Variants in KCNQ3 observed in about 807,000 individuals in gnomAD.
The protein encoded by KCNQ3 is potassium voltage-gated channel subfamily Q member 3.
In KCNQ3, 30 loss-of-function variants were observed where a neutral mutation model predicts 92.5. That is an observed-to-expected ratio of 0.32 (90% CI 0.24 to 0.44). The LOEUF (loss-of-function observed/expected upper bound fraction) is 0.44. Among genes scored for constraint, KCNQ3 ranks in the 20% least tolerant of loss-of-function variants. The pLI is 1.00. For synonymous variants in KCNQ3, 450 were observed against 468.8 expected, an observed-to-expected ratio of 0.96 and a Z score of 0.52; for missense variants, 913 against 1,140.3, an observed-to-expected ratio of 0.80 and a Z score of 2.87.
intron 1 of KCNQ3, among the ~76,000 whole-genome samples, chr8:132,371,491 A>C (rs949567042): frequency 2.6e-5 from 4 of 152,230 alleles, no homozygotes; most frequent in African/African-American, 7.2e-5. Context: ...GACCTGCGTC[A>C]TCAAGGATGA....
chr8:132,220,547 G>A (rs551964421), intron 1 of KCNQ3, among the ~76,000 whole-genome samples: 3 of 152,212 alleles, frequency 2.0e-5, no homozygotes, highest in South Asian at 2.1e-4. Flanking sequence ...TCAGGAGTTC[G>A]AGGCCAGCCT....
chr8:132,220,661 ATTGT>A (rs1462436820), intron 1 of KCNQ3, among the ~76,000 whole-genome samples: 5 of 152,126 alleles, frequency 3.3e-5, no homozygotes, highest in African/African-American at 1.2e-4. Context: ...AGGCAGGAGA[ATTGT>A]TTGAGTTTGG....
intron 8 of KCNQ3, among the ~76,000 whole-genome samples, chr8:132,164,049 C>T (rs184701471): frequency 6.6e-6 from 1 of 152,274 alleles, no homozygotes; most frequent in African/African-American, 2.4e-5. Flanking sequence ...GGATCCAAAC[C>T]CAGGTGATCT....
At chr8:132,392,475 T>C (rs1820074855) in intron 1 of KCNQ3, among the ~76,000 whole-genome samples, 1 of 152,144 alleles carries the variant, frequency 6.6e-6, no homozygotes, top group Admixed American at 6.5e-5. Context: ...GTCTTTGCAC[T>C]GGTCCTTACC....
chr8:132,281,729 T>G (rs1158144082), intron 1 of KCNQ3, among the ~76,000 whole-genome samples: 1 of 152,042 alleles, frequency 6.6e-6, no homozygotes, highest in Non-Finnish European at 1.5e-5. Flanking sequence ...ACCACCATGT[T>G]TACTGCAGCC....
At chr8:132,254,999 C>T (rs1185528506) in intron 1 of KCNQ3, among the ~76,000 whole-genome samples, 1 of 152,006 alleles carries the variant, frequency 6.6e-6, no homozygotes, top group African/African-American at 2.4e-5. Context: ...AAAAGTTAAC[C>T]ACAATTTGGA....
At chr8:132,135,922 T>A (rs1825067748) in intron 12 of KCNQ3, among the ~76,000 whole-genome samples, 1 of 151,504 alleles carries the variant, frequency 6.6e-6, no homozygotes, top group Non-Finnish European at 1.5e-5. Flanking sequence ...AAGTTCGAGA[T>A]CAGCCTGGCC....
intron 1 of KCNQ3, among the ~76,000 whole-genome samples, chr8:132,344,502 G>C (rs545539627): frequency 1.7e-4 from 26 of 152,230 alleles, no homozygotes; most frequent in Middle Eastern, 6.8e-3. Context: ...TATTAACTCT[G>C]ACTCCTCAAG....
At chr8:132,429,626 C>A (rs1180742082) in intron 1 of KCNQ3, among the ~76,000 whole-genome samples, 1 of 152,044 alleles carries the variant, frequency 6.6e-6, no homozygotes, top group Non-Finnish European at 1.5e-5. Context: ...GTTGGGAAGC[C>A]AAGGTGGGTG....
intron 1 of KCNQ3, among the ~76,000 whole-genome samples, chr8:132,246,098 G>A (rs1018616640): frequency 6.6e-6 from 1 of 152,158 alleles, no homozygotes; most frequent in Non-Finnish European, 1.5e-5. Context: ...AGCATGGTTC[G>A]TTTTCCACAC....
chr8:132,462,648 C>T (rs1447481449), intron 1 of KCNQ3, among the ~76,000 whole-genome samples: 1 of 152,152 alleles, frequency 6.6e-6, no homozygotes, highest in African/African-American at 2.4e-5. Flanking sequence ...GAAGCCAATC[C>T]CAGCCCTGCC....
chr8:132,274,135 G>T (rs796192580), intron 1 of KCNQ3, among the ~76,000 whole-genome samples: 2 of 152,088 alleles, frequency 1.3e-5, no homozygotes, highest in Non-Finnish European at 2.9e-5. Context: ...CCATTTTCAC[G>T]TTGCTGATAA....
intron 1 of KCNQ3, among the ~76,000 whole-genome samples, chr8:132,451,373 C>A (rs1457880724): frequency 2.6e-5 from 4 of 152,206 alleles, no homozygotes; most frequent in African/African-American, 9.7e-5. Context: ...CAAACTAACA[C>A]AATCGGGCTC....
At chr8:132,199,616 A>G (rs1488198590) in intron 1 of KCNQ3, among the ~76,000 whole-genome samples, 1 of 152,230 alleles carries the variant, frequency 6.6e-6, no homozygotes, top group Non-Finnish European at 1.5e-5. Flanking sequence ...TATCATTTAA[A>G]GTGTAAATGT....
intron 1 of KCNQ3, among the ~76,000 whole-genome samples, chr8:132,453,516 C>T (rs1821869290): frequency 1.3e-5 from 2 of 152,098 alleles, no homozygotes; most frequent in African/African-American, 4.8e-5. Flanking sequence ...AGCCTGGGGC[C>T]TAAAACCGAG....
At chr8:132,444,588 G>A (rs370344211) in intron 1 of KCNQ3, among the ~76,000 whole-genome samples, 4 of 152,300 alleles carry the variant, frequency 2.6e-5, no homozygotes, top group South Asian at 2.1e-4. Context: ...AAATAATCAA[G>A]CCTACTTCAT....
In KCNQ3 at chr8:132,129,606, T is replaced by A; in HGVS notation, c.2275A>T (p.Ser759Cys). 6.2e-7 allele frequency: 1 copy of A among 1,614,102 alleles called. No homozygotes were observed. The highest frequency in any genetic ancestry group is 1.1e-5 in the South Asian group (1 of 91,076). Residue 759 changes from serine to cysteine, a missense_variant, in exon 15 of 15, where the codon AGC becomes TGC. By Grantham distance (112) the Ser-to-Cys change is moderately radical (BLOSUM62 -1). Coordinates refer to ENST00000388996, the MANE Select transcript of KCNQ3 (RefSeq NM_004519.4). The surrounding 1 kb of genome is among the most constrained non-coding windows in gnomAD (Gnocchi z 5.9). ...PILTLLDSRV[S>C]CHSQADLQGP... ...TGCAGGTCAGCCTGGGAGTGGCAGC[T>A]CACTCGGGAGTCGAGAAGAGTCAAG...
intron 1 of KCNQ3, among the ~76,000 whole-genome samples, chr8:132,412,576 G>T (rs1470086788): frequency 5.9e-5 from 9 of 152,202 alleles, no homozygotes; most frequent in African/African-American, 2.2e-4. Flanking sequence ...GGTAAAAGAA[G>T]TGTGCATATT....
At chr8:132,339,443 C>T (rs556072340) in intron 1 of KCNQ3, among the ~76,000 whole-genome samples, 1 of 152,258 alleles carries the variant, frequency 6.6e-6, no homozygotes, top group African/African-American at 2.4e-5. Flanking sequence ...CCACCATGTA[C>T]CATGGTCAGC....
Sources: allele counts gnomAD v4.1 joint callset (sites outside exome capture counted in the v4.1 genomes callset), GRCh38; gene constraint gnomAD v4.1.1; non-coding constraint Gnocchi (gnomAD v3.1); transcripts MANE v1.5; gene names NCBI Gene and HGNC (gene_info 2026-07-23, HGNC 2026-07-21).